Variants in ALK observed in about 807,000 individuals in gnomAD.
ALK encodes the protein ALK tyrosine kinase receptor.
A neutral mutation model predicts 163.1 loss-of-function variants in ALK; 74 were observed. The observed-to-expected ratio is 0.45, with a 90% CI of 0.38 to 0.55. The LOEUF (loss-of-function observed/expected upper bound fraction) is 0.55. ALK is among the 20% of genes least tolerant of loss of function. ALK has a pLI of 0.00. For synonymous variants in ALK, 960 were observed against 843.2 expected, an observed-to-expected ratio of 1.14 and a Z score of -2.40; for missense variants, 2,063 against 2,105.3, an observed-to-expected ratio of 0.98 and a Z score of 0.39.
intron 1 of ALK, among the ~76,000 whole-genome samples, chr2:29,790,653 G>A (rs778171202): frequency 1.6e-4 from 24 of 152,000 alleles, no homozygotes; most frequent in African/African-American, 4.1e-4. Flanking sequence ...GCACGATCTC[G>A]GCTCACTGCA....
chr2:29,852,186 C>T (rs1357428386), intron 1 of ALK, among the ~76,000 whole-genome samples: 1 of 152,162 alleles, frequency 6.6e-6, no homozygotes, highest in African/African-American at 2.4e-5. Flanking sequence ...TTGGAAGAGG[C>T]TATGCTAAGG....
At chr2:29,261,929 T>G (rs1665098718) in intron 11 of ALK, among the ~76,000 whole-genome samples, 1 of 152,204 alleles carries the variant, frequency 6.6e-6, no homozygotes, top group African/African-American at 2.4e-5. Flanking sequence ...TTGGAACGTA[T>G]TTATATTTTG....
intron 1 of ALK, among the ~76,000 whole-genome samples, chr2:29,839,883 C>G (rs1032505438): frequency 3.5e-4 from 54 of 152,186 alleles, no homozygotes; most frequent in African/African-American, 1.3e-3. Flanking sequence ...GTTTACTACA[C>G]ACTACTCATA....
intron 1 of ALK, among the ~76,000 whole-genome samples, chr2:29,840,617 A>G (rs1037288935): frequency 3.3e-5 from 5 of 152,204 alleles, no homozygotes; most frequent in Admixed American, 2.6e-4. Context: ...CTGTTGAAAG[A>G]TTACAAAGAA....
intron 3 of ALK, among the ~76,000 whole-genome samples, chr2:29,609,254 C>A (rs528595881): frequency 6.6e-6 from 1 of 152,104 alleles, no homozygotes; most frequent in Non-Finnish European, 1.5e-5. Flanking sequence ...TGTGCCTTAT[C>A]TGGGTGAATA....
intron 3 of ALK, among the ~76,000 whole-genome samples, chr2:29,619,999 G>A (rs1675982434): frequency 6.6e-6 from 1 of 152,214 alleles, no homozygotes; most frequent in Non-Finnish European, 1.5e-5. Context: ...AGCAGCTCAG[G>A]TTTCTGGGTT....
intron 4 of ALK, among the ~76,000 whole-genome samples, chr2:29,505,250 C>A (rs1234724829): frequency 2.6e-5 from 4 of 152,062 alleles, no homozygotes; most frequent in Non-Finnish European, 5.9e-5. Context: ...TGCCTGGGAG[C>A]CACACAGCCC....
chr2:29,556,194 C>T (rs1311080976), intron 3 of ALK, among the ~76,000 whole-genome samples: 1 of 152,152 alleles, frequency 6.6e-6, no homozygotes, highest in Non-Finnish European at 1.5e-5. Flanking sequence ...AGAGCTCTGA[C>T]CACCTATGCC....
Position 29,220,809 on chromosome 2 carries a change from C to T in ALK, c.3542G>A (p.Arg1181His), listed in dbSNP as rs1034835558. ...GGATTGCAGGCTCACCCCAATGCAG[C>T]GAACAATGTTCTGGTGGTTGAATTT... is the stretch of plus-strand genomic sequence containing the variant. ...ISKFNHQNIV[R>H]CIGVSLQSLP... Residue 1181 changes from arginine (R) to histidine (H), a missense_variant, in exon 23 of 29, where the codon CGC (arginine) becomes CAC (histidine). By Grantham distance (29) the Arg-to-His change is conservative. Coordinates refer to ENST00000389048, the MANE Select transcript of ALK (RefSeq NM_004304.5). The T allele has an allele frequency of 5.0e-6, 8 of 1,614,104 alleles. No individual in the cohort carries two copies. The highest frequency in any genetic ancestry group is 2.2e-5 in the South Asian group (2 of 91,068).
Position 29,213,977 on chromosome 2 carries a change from G to T in ALK, c.3743+7C>A. 1.2e-6 allele frequency: 2 copies of T among 1,612,104 alleles called. No individual in the cohort carries two copies. The highest frequency in any genetic ancestry group is 2.2e-5 in the South Asian group (2 of 90,948). ...ATGACAGGAAGAGCACAGTCACTTT[G>T]ACTCACCGGTGGATGAAGTGGTTTT... On this transcript the variant is annotated splice_region_variant and intron_variant, in intron 24 of 28. Coordinates refer to ENST00000389048, the MANE Select transcript of ALK (RefSeq NM_004304.5).
chr2:29,828,487 C>T (rs1292025098), intron 1 of ALK, among the ~76,000 whole-genome samples: 1 of 151,916 alleles, frequency 6.6e-6, no homozygotes. Context: ...ACAACCCCAT[C>T]AAAAAGTGGG....
rs761241025 is a variant in ALK, at chr2:29,422,644, G to T, written c.1155-38785C>A. ...TTAGTTTTTTTTCTTTTTGAAACTAGTTAGGCACCTTTACATCAAGCTTAT... is the reference window on the plus strand; with the variant it reads ...TTAGTTTTTTTTCTTTTTGAAACTATTTAGGCACCTTTACATCAAGCTTAT... On this transcript the variant is annotated intron_variant, in intron 4 of 28. Transcript: ENST00000389048. 2.8e-4 allele frequency among the ~76,000 whole-genome samples: 42 copies of T among 152,230 alleles called. 1 individual carries two copies. In the Middle Eastern group the frequency reaches 0.014, roughly 49 times the overall value.
intron 1 of ALK, among the ~76,000 whole-genome samples, chr2:29,764,643 G>T (rs1225192080): frequency 6.6e-6 from 1 of 152,154 alleles, no homozygotes; most frequent in Non-Finnish European, 1.5e-5. Flanking sequence ...TATCCCATTA[G>T]GGTGGGCAGG....
chr2:29,252,878 G>A (rs1437465117), intron 11 of ALK, among the ~76,000 whole-genome samples: 1 of 151,512 alleles, frequency 6.6e-6, no homozygotes, highest in Non-Finnish European at 1.5e-5. Context: ...CAGGCTGAGG[G>A]TAGTGGTACA....
At chr2:29,365,293 A>C (rs1668475890) in intron 5 of ALK, among the ~76,000 whole-genome samples, 1 of 152,248 alleles carries the variant, frequency 6.6e-6, no homozygotes, top group African/African-American at 2.4e-5. Flanking sequence ...CAGTTTAAAC[A>C]TAGGAAGCAC....
At chr2:29,826,548 T>C (rs1558505789) in intron 1 of ALK, among the ~76,000 whole-genome samples, 2 of 152,178 alleles carry the variant, frequency 1.3e-5, no homozygotes, top group Non-Finnish European at 1.5e-5. Context: ...GTCAGTCTTA[T>C]ACAAGCCTCA....
In ALK at chr2:29,197,824, A is replaced by C. The variant is rs191068365; in HGVS notation, c.3939-148T>G. Reference sequence around the variant, plus strand: ...ACATAGAACTCTTAAAATGTAGAAAAATTTAAAAAATAAGAAAATACTACA... The same window carrying C: ...ACATAGAACTCTTAAAATGTAGAAACATTTAAAAAATAAGAAAATACTACA... On this transcript the variant is annotated intron_variant, in intron 26 of 28. Coordinates refer to ENST00000389048, the MANE Select transcript of ALK (RefSeq NM_004304.5). 1,263 of 725,310 alleles carry C rather than the reference A, an allele frequency of 1.7e-3. 6 individuals carry two copies. The highest frequency in any genetic ancestry group is 2.0e-3 in the Non-Finnish European group (856 of 418,336). The allele number at this position is 725,310 out of a possible 1,614,324, so 44.9% of individuals were successfully genotyped here. A position where few individuals can be genotyped will look rare whatever the true frequency, so the allele number is the denominator to read the frequency against.
chr2:29,628,803 C>T (rs542849898), intron 3 of ALK, among the ~76,000 whole-genome samples: 297 of 152,174 alleles, frequency 2.0e-3, no homozygotes, highest in African/African-American at 6.9e-3. Flanking sequence ...AGAAACTATT[C>T]AAAGATAGAC....
intron 5 of ALK, among the ~76,000 whole-genome samples, chr2:29,359,038 G>A (rs1361497132): frequency 6.6e-6 from 1 of 151,890 alleles, no homozygotes; most frequent in Non-Finnish European, 1.5e-5. Context: ...TAAAAATACC[G>A]TGTTGTGCAT....
Sources: allele counts gnomAD v4.1 joint callset (sites outside exome capture counted in the v4.1 genomes callset), GRCh38; gene constraint gnomAD v4.1.1; transcripts MANE v1.5; gene names NCBI Gene and HGNC (gene_info 2026-07-23, HGNC 2026-07-21).